MYO16: variants seen among roughly 807,000 people sequenced by gnomAD.
The protein encoded by MYO16 is unconventional myosin-XVI.
A neutral mutation model predicts 205.3 loss-of-function variants in MYO16; 94 were observed. The ratio of observed to expected loss-of-function variants is 0.46; its 90% confidence interval spans 0.39 to 0.54. MYO16 has a LOEUF of 0.54. Ranked by LOEUF, MYO16 falls within the 20% of genes least tolerant of loss-of-function variation. MYO16 has a pLI of 0.00. For missense variants in MYO16, 2,315 were observed against 2,387.5 expected (o/e 0.97, Z 0.63); for synonymous variants, 988 against 954.0 (o/e 1.04, Z -0.66).
At chr13:108,645,898 C>A (rs1406545616) in intron 1 of MYO16, among the ~76,000 whole-genome samples, 1 of 152,210 alleles carries the variant, frequency 6.6e-6, no homozygotes, top group Non-Finnish European at 1.5e-5. Flanking sequence ...AGTTTCCCAG[C>A]TCAGACTGAA....
chr13:108,978,102 A>G (rs1884330908), intron 20 of MYO16, among the ~76,000 whole-genome samples: 1 of 151,870 alleles, frequency 6.6e-6, no homozygotes, highest in African/African-American at 2.4e-5. Flanking sequence ...TCTATTATAC[A>G]TTAATTTATT....
intron 7 of MYO16, among the ~76,000 whole-genome samples, chr13:108,818,741 A>G (rs1386344665): frequency 5.9e-5 from 9 of 152,224 alleles, no homozygotes; most frequent in African/African-American, 9.6e-5. Flanking sequence ...GGAAAAGCAC[A>G]ATAAGAAGAT....
intron 28 of MYO16, among the ~76,000 whole-genome samples, chr13:109,116,980 A>G (rs1875722126): frequency 6.6e-6 from 1 of 152,236 alleles, no homozygotes; most frequent in Non-Finnish European, 1.5e-5. Context: ...TTTATAAGTT[A>G]CAATGGGCTT....
chr13:108,703,992 C>A (rs1883406254), intron 2 of MYO16, among the ~76,000 whole-genome samples: 1 of 152,088 alleles, frequency 6.6e-6, no homozygotes, highest in Non-Finnish European at 1.5e-5. Context: ...CAGTGTGTGC[C>A]ATCAGAGAGT....
chr13:108,524,641 G>A, the MYO16 span, among the ~76,000 whole-genome samples: 1 of 152,102 alleles, frequency 6.6e-6, no homozygotes, highest in African/African-American at 2.4e-5. Flanking sequence ...CTTTCTTTGT[G>A]CCATGATCCT....
At chr13:108,736,253 T>C (rs757325799) in intron 4 of MYO16, among the ~76,000 whole-genome samples, 5 of 152,218 alleles carry the variant, frequency 3.3e-5, no homozygotes, top group Non-Finnish European at 5.9e-5. Flanking sequence ...GCCTAGGTTT[T>C]CTTCTAGGGT....
chr13:108,759,356 A>G (rs1428474646), intron 4 of MYO16, among the ~76,000 whole-genome samples: 2 of 152,184 alleles, frequency 1.3e-5, no homozygotes, highest in East Asian at 1.9e-4. Context: ...TTATAATACT[A>G]TTCCTGTACT....
At chr13:108,802,174 G>A (rs1241553711) in intron 6 of MYO16, among the ~76,000 whole-genome samples, 1 of 152,000 alleles carries the variant, frequency 6.6e-6, no homozygotes. Context: ...GCTTTGCAAC[G>A]GATCTCAAAA....
intron 4 of MYO16, among the ~76,000 whole-genome samples, chr13:108,747,062 C>A (rs1000297522): frequency 6.6e-6 from 1 of 152,122 alleles, no homozygotes; most frequent in Non-Finnish European, 1.5e-5. Context: ...GCAAAATTAT[C>A]CTTCAATTAT....
chr13:108,700,286 T>G (rs553683952), intron 2 of MYO16, among the ~76,000 whole-genome samples: 40 of 148,186 alleles, frequency 2.7e-4, no homozygotes, highest in African/African-American at 8.8e-4. Flanking sequence ...GAGCTGAGAT[T>G]GAGCCATTGC....
chr13:109,198,604 T>G (rs1880260735), intron 34 of MYO16, among the ~76,000 whole-genome samples: 1 of 152,202 alleles, frequency 6.6e-6, no homozygotes, highest in Non-Finnish European at 1.5e-5. Flanking sequence ...TGCACCTATT[T>G]AGCATTACTT....
chr13:108,639,246 G>C (rs190594139), intron 1 of MYO16, among the ~76,000 whole-genome samples: 1 of 152,306 alleles, frequency 6.6e-6, no homozygotes, highest in African/African-American at 2.4e-5. Context: ...GGTGGGGACA[G>C]GGAAGGGGAG....
chr13:108,900,540 C>T lies in MYO16; in HGVS notation c.1777+2407C>T, dbSNP rs1328102792. ...TTAATACTTTTATAATTTCTTACGC[C>T]TGTCTTTACTGCAGTCTCTGAACAT... is the stretch of plus-strand genomic sequence containing the variant. On this transcript the variant is annotated intron_variant, in intron 15 of 34. Transcript: ENST00000457511. 2.0e-5 allele frequency among the ~76,000 whole-genome samples: 3 copies of T among 152,270 alleles called. No homozygotes were observed. In the South Asian group the frequency reaches 6.2e-4, roughly 32 times the overall value.
chr13:109,107,841 A>ATATTATATTATATTATAT (rs370218945), intron 28 of MYO16, among the ~76,000 whole-genome samples: 73 of 148,582 alleles, frequency 4.9e-4, no homozygotes, highest in South Asian at 2.1e-3. Context: ...ATATTATATT[A>ATATTATATTATATTATAT]TATGTGTGTG....
At chr13:109,096,655 C>T (rs2139701804) in intron 27 of MYO16, among the ~76,000 whole-genome samples, 1 of 152,288 alleles carries the variant, frequency 6.6e-6, no homozygotes, top group South Asian at 2.1e-4. Flanking sequence ...TGCTCCACAG[C>T]CCCATTTCTT....
At chr13:108,903,990 G>A (rs892702759) in intron 15 of MYO16, among the ~76,000 whole-genome samples, 2 of 152,048 alleles carry the variant, frequency 1.3e-5, no homozygotes, top group African/African-American at 4.8e-5. Context: ...CCATTTTATT[G>A]GACAGGGAGT....
intron 7 of MYO16, among the ~76,000 whole-genome samples, chr13:108,808,909 A>G (rs1223413426): frequency 6.6e-6 from 1 of 152,210 alleles, no homozygotes; most frequent in Admixed American, 6.5e-5. Flanking sequence ...CTTCCTAGAG[A>G]ATCCTGTCCC....
At chr13:109,181,959 A>C (rs1879474812) in intron 34 of MYO16, among the ~76,000 whole-genome samples, 1 of 151,954 alleles carries the variant, frequency 6.6e-6, no homozygotes, top group East Asian at 1.9e-4. Flanking sequence ...AGCTGGGATT[A>C]CAGGTGTGCA....
chr13:108,910,284 T>C (rs899875926), intron 16 of MYO16, 134 bp downstream of exon 16: 1 of 939,678 alleles, frequency 1.1e-6, no homozygotes, highest in African/African-American at 1.6e-5. Context: ...ACTGTTAGGT[T>C]GAAACCATCC....
Sources: allele counts gnomAD v4.1 joint callset (sites outside exome capture counted in the v4.1 genomes callset), GRCh38; gene constraint gnomAD v4.1.1; transcripts MANE v1.5; gene names NCBI Gene and HGNC (gene_info 2026-07-23, HGNC 2026-07-21).